The following SLC25A16 variants were observed in gnomAD, a reference collection of about 807,000 sequenced individuals.
SLC25A16 encodes the protein solute carrier family 25 member 16, also known as mitochondrial coenzyme A transporter SLC25A16.
SLC25A16 carries 39 observed loss-of-function variants against 41.5 expected under a neutral mutation model. The observed-to-expected ratio is 0.94, with a 90% CI of 0.73 to 1.23. SLC25A16 has a LOEUF of 1.23. SLC25A16 is among the 50% of genes most tolerant of loss of function. The probability of loss-of-function intolerance (pLI) is 0.00; values close to 1 mark genes in which losing one functional copy is unlikely to be tolerated. For synonymous variants in SLC25A16, 146 were observed against 147.8 expected (o/e 0.99, Z 0.09); for missense variants, 421 against 426.9 (o/e 0.99, Z 0.12).
At chr10:68,525,141 T>C (rs1341230734) in intron 1 of SLC25A16, among the ~76,000 whole-genome samples, 1 of 152,016 alleles carries the variant, frequency 6.6e-6, no homozygotes, top group Non-Finnish European at 1.5e-5. Flanking sequence ...TTTTTTGTTT[T>C]ATTTTATTTT....
At chr10:68,489,843 G>C (rs1449012151) in intron 6 of SLC25A16, among the ~76,000 whole-genome samples, 2 of 149,942 alleles carry the variant, frequency 1.3e-5, no homozygotes, top group African/African-American at 5.0e-5. Context: ...GGAGGATGCA[G>C]TGATCTGAGA....
intron 4 of SLC25A16, chr10:68,499,917 A>T: frequency 1.7e-6 from 1 of 585,806 alleles, no homozygotes; most frequent in Non-Finnish European, 3.2e-6. Context: ...GCCAAGTAGG[A>T]AAGGAAAAGG....
intron 1 of SLC25A16, 80 bp downstream of exon 1, chr10:68,527,166 G>T: frequency 6.9e-7 from 1 of 1,447,996 alleles, no homozygotes; most frequent in South Asian, 1.3e-5. Context: ...GAATGTCATA[G>T]AGGCCGCTTG....
chr10:68,519,311 A>C (rs867677355), intron 1 of SLC25A16, among the ~76,000 whole-genome samples: 24 of 151,700 alleles, frequency 1.6e-4, no homozygotes, highest in Middle Eastern at 3.4e-3. Context: ...AGATGGTGAA[A>C]CCTTGTCTCT....
chr10:68,493,149 C>A lies in SLC25A16; in HGVS notation c.593G>T (p.Gly198Val), dbSNP rs759725917. 2 of 1,593,898 alleles carry A rather than the reference C, an allele frequency of 1.3e-6. No individual in the cohort carries two copies. Among genetic ancestry groups the A allele is most frequent in the South Asian group, 2.3e-5 (2 of 86,842 alleles). ...FYRGLMPTIL[G>V]MAPYAGVSFF... The stretch of plus-strand genomic sequence containing the variant: ...AAACATACCTGCATATGGAGCCATT[C>A]CTAAAATAGTAGGCATCAGACCTCT... The change falls in exon 6 of 9, where the codon GGA becomes GTA. Residue 198 changes from glycine to valine, a missense_variant. By Grantham distance (109) the Gly-to-Val change is moderately radical. Coordinates refer to ENST00000609923, the MANE Select transcript of SLC25A16 (RefSeq NM_152707.4).
intron 3 of SLC25A16, among the ~76,000 whole-genome samples, chr10:68,505,332 G>C (rs896803186): frequency 8.6e-5 from 13 of 151,042 alleles, no homozygotes; most frequent in Non-Finnish European, 1.8e-4. Flanking sequence ...CTAGGTGACA[G>C]AGAAACTATC....
At chr10:68,513,528 GCAGTTGGAAAAATAACT>G (rs779506909) in intron 2 of SLC25A16, among the ~76,000 whole-genome samples, 6 of 151,960 alleles carry the variant, frequency 3.9e-5, no homozygotes, top group Non-Finnish European at 7.4e-5. Context: ...CTTTTAAAAT[GCAGTTGGAAAAATAACT>G]CATTGTTATT....
At chr10:68,486,108 C>T (rs1452832010) in intron 8 of SLC25A16, among the ~76,000 whole-genome samples, 7 of 150,636 alleles carry the variant, frequency 4.6e-5, no homozygotes, top group African/African-American at 1.7e-4. Flanking sequence ...ATCCCAGGTA[C>T]TCGGGAGGCT....
At chr10:68,523,168 C>T (rs1478372498) in intron 1 of SLC25A16, among the ~76,000 whole-genome samples, 2 of 152,072 alleles carry the variant, frequency 1.3e-5, no homozygotes, top group Non-Finnish European at 2.9e-5. Flanking sequence ...GGGCTTACTG[C>T]GACCTCCGCC....
intron 1 of SLC25A16, among the ~76,000 whole-genome samples, chr10:68,524,890 A>AAAAAAAAT: frequency 6.8e-6 from 1 of 148,018 alleles, no homozygotes; most frequent in African/African-American, 2.5e-5. Context: ...AAAGAAAAAG[A>AAAAAAAAT]AAAAAAATTA....
At chr10:68,506,443 A>G in intron 3 of SLC25A16, 142 bp downstream of exon 3, 1 of 614,162 alleles carries the variant, frequency 1.6e-6, no homozygotes, top group Non-Finnish European at 2.4e-6. Context: ...ACTCTGTCTC[A>G]AAAATTAAAA....
At chr10:68,511,562 A>G (rs1425435497) in intron 2 of SLC25A16, among the ~76,000 whole-genome samples, 1 of 152,240 alleles carries the variant, frequency 6.6e-6, no homozygotes, top group Admixed American at 6.5e-5. Flanking sequence ...TCACACACTG[A>G]TACGCAGAGT....
At chr10:68,493,409 A>C in intron 5 of SLC25A16, 40 bp downstream of exon 5, 1 of 1,563,014 alleles carries the variant, frequency 6.4e-7, no homozygotes, top group South Asian at 1.1e-5. Context: ...CCTAAGTATA[A>C]AAGGGCATGT....
chr10:68,522,142 A>T (rs1263996771), intron 1 of SLC25A16, among the ~76,000 whole-genome samples: 1 of 151,708 alleles, frequency 6.6e-6, no homozygotes, highest in Non-Finnish European at 1.5e-5. Context: ...CAGCCTGGAC[A>T]ACAGAGAGAG....
In SLC25A16 at chr10:68,487,222, G is replaced by A; in HGVS notation, c.774-10C>T. 6.2e-7 allele frequency: 1 copy of A among 1,611,168 alleles called. No homozygotes were observed. Among genetic ancestry groups the A allele is most frequent in the Non-Finnish European group, 8.5e-7 (1 of 1,178,410 alleles). ...CACATCAAATGGGTAGCTAAAAGAAGAAAAAGGCATAAAGAATTAAAAATT... is the reference window on the plus strand; with the variant it reads ...CACATCAAATGGGTAGCTAAAAGAAAAAAAAGGCATAAAGAATTAAAAATT... On this transcript the variant is annotated splice_polypyrimidine_tract_variant and intron_variant, in intron 7 of 8. Coordinates refer to ENST00000609923, the MANE Select transcript of SLC25A16 (RefSeq NM_152707.4).
chr10:68,494,442 C>T (rs2052714031), intron 4 of SLC25A16, among the ~76,000 whole-genome samples: 1 of 113,576 alleles, frequency 8.8e-6, no homozygotes, highest in South Asian at 3.1e-4. Context: ...GGCCTGGCAA[C>T]AGAGTGAGAT....
intron 3 of SLC25A16, 21 bp downstream of exon 3, chr10:68,506,563 GA>G: frequency 1.3e-6 from 2 of 1,531,164 alleles, no homozygotes; most frequent in Non-Finnish European, 1.8e-6. Flanking sequence ...ACGCAAAAGA[GA>G]AAAGATCAAA....
intron 8 of SLC25A16, among the ~76,000 whole-genome samples, chr10:68,485,586 T>A (rs553346349): frequency 1.3e-5 from 2 of 151,634 alleles, no homozygotes; most frequent in African/African-American, 4.8e-5. Context: ...GGTTTCACCA[T>A]CTTGGCCAGG....
At chr10:68,524,987 C>T (rs1207283004) in intron 1 of SLC25A16, among the ~76,000 whole-genome samples, 1 of 150,470 alleles carries the variant, frequency 6.6e-6, no homozygotes, top group Non-Finnish European at 1.5e-5. Flanking sequence ...GCAGAGGTTG[C>T]AGTGAGCCAA....
Sources: gnomAD v4.1 joint callset for allele counts (sites outside exome capture counted in the v4.1 genomes callset) on GRCh38, gnomAD v4.1.1 for gene constraint, MANE v1.5 for transcripts, NCBI Gene and HGNC (gene_info 2026-07-23, HGNC 2026-07-21) for gene names.